The following MAN2B1 variants were observed in gnomAD, a reference collection of about 807,000 sequenced individuals.
MAN2B1 encodes the protein mannosidase alpha class 2B member 1.
In MAN2B1, 99 loss-of-function variants were observed where a neutral mutation model predicts 127.5. The ratio of observed to expected loss-of-function variants is 0.78; its 90% confidence interval spans 0.66 to 0.92. The LOEUF (loss-of-function observed/expected upper bound fraction) is 0.92. Ranked by LOEUF, MAN2B1 falls within the 40% of genes least tolerant of loss-of-function variation. MAN2B1 has a pLI of 0.00. For synonymous variants in MAN2B1, 573 were observed against 568.8 expected (o/e 1.01, Z -0.11); for missense variants, 1,304 against 1,384.8 (o/e 0.94, Z 0.93).
intron 7 of MAN2B1, among the ~76,000 whole-genome samples, chr19:12,659,493 A>T (rs532115016): frequency 6.1e-4 from 92 of 151,786 alleles, no homozygotes; most frequent in Non-Finnish European, 7.2e-4. Context: ...AGTAGAGACA[A>T]GGTTTCACCA....
chr19:12,659,468 A>C (rs2024053022), intron 7 of MAN2B1, among the ~76,000 whole-genome samples: 1 of 151,740 alleles, frequency 6.6e-6, no homozygotes, highest in African/African-American at 2.4e-5. Context: ...CGCCCACCTA[A>C]TTTGTAGTAT....
At chr19:12,649,857 C>T (rs1236908005) in intron 18 of MAN2B1, 56 bp downstream of exon 18, 2 of 1,396,292 alleles carry the variant, frequency 1.4e-6, no homozygotes, top group Non-Finnish European at 1.0e-6. Flanking sequence ...CCCTCACCAC[C>T]CCTGGGCCCC....
chr19:12,662,937 C>A (rs1157884088), intron 6 of MAN2B1, among the ~76,000 whole-genome samples: 222 of 126,012 alleles, frequency 1.8e-3, no homozygotes, highest in Middle Eastern at 4.2e-3. Context: ...GACTCTGTCT[C>A]AAAAAAAAAA....
intron 14 of MAN2B1, among the ~76,000 whole-genome samples, chr19:12,655,159 G>C (rs946918218): frequency 6.6e-5 from 10 of 152,144 alleles, no homozygotes; most frequent in African/African-American, 2.4e-4. Context: ...GCTAGGAGTA[G>C]ACACATGAGC....
Position 12,647,772 on chromosome 19 carries a change from T to A in MAN2B1, c.2665-174A>T. Reference sequence around the variant, plus strand: ...GCCGTGACAGGGAGGACTGAGCCAATGGGGAGATGGGTCGGTCCCAAGCTT... The same window carrying A: ...GCCGTGACAGGGAGGACTGAGCCAAAGGGGAGATGGGTCGGTCCCAAGCTT... On this transcript the variant is annotated intron_variant, in intron 21 of 23. Transcript: ENST00000456935. This position sits in a 1 kb window ranked among gnomAD's most constrained non-coding sequence, Gnocchi z 4.9. 3.2e-6 allele frequency: 2 copies of A among 616,756 alleles called. No homozygotes were observed. Among genetic ancestry groups the A allele is most frequent in the Non-Finnish European group, 2.8e-6 (1 of 351,816 alleles). 38.2% of individuals were successfully genotyped at this position (616,756 alleles called of 1,614,324 possible).
intron 7 of MAN2B1, chr19:12,658,716 G>A: frequency 1.7e-6 from 1 of 594,886 alleles, no homozygotes; most frequent in Admixed American, 2.9e-5. Context: ...GGATTTCAGA[G>A]ATGCAAGAAT....
chr19:12,665,215 A>C lies in MAN2B1; in HGVS notation c.436+137T>G. On this transcript the variant is annotated intron_variant, in intron 3 of 23. Transcript: ENST00000456935. ...TTTGTGGGATGTATAGGAGGTCTCC[A>C]AATGGAGAGTCCAGGCAGGCGGAGC... is the stretch of plus-strand genomic sequence containing the variant. 5 of 1,200,854 alleles carry C rather than the reference A, an allele frequency of 4.2e-6. No individual in the cohort carries two copies. In the South Asian group the frequency reaches 4.9e-5, roughly 12 times the overall value. 74.4% of individuals were successfully genotyped at this position (1,200,854 alleles called of 1,614,324 possible). A position where few individuals can be genotyped will look rare whatever the true frequency, so the allele number is the denominator to read the frequency against.
In MAN2B1 at chr19:12,664,993, A is replaced by G. The variant is rs377203049; in HGVS notation, c.437-8T>C. Reference sequence around the variant, plus strand: ...TGGCGAACTCCAGGCGCCCTGTGCCAGGACAGGCAAGGTCAGGGTCAGCGG... The same window carrying G: ...TGGCGAACTCCAGGCGCCCTGTGCCGGGACAGGCAAGGTCAGGGTCAGCGG... On this transcript the variant is annotated splice_region_variant and splice_polypyrimidine_tract_variant and intron_variant, in intron 3 of 23. Transcript: ENST00000456935. The G allele has an allele frequency of 1.7e-5, 27 of 1,612,174 alleles. No individual in the cohort carries two copies. Among genetic ancestry groups the G allele is most frequent in the Non-Finnish European group, 2.3e-5 (27 of 1,179,834 alleles).
rs769700077 is a variant in MAN2B1, at chr19:12,665,345, G to A, written c.436+7C>T. ...TTCCTCTTTTCACTTCCTTGGGGTAGGCTCACCCTGGCGCACAAGGTCTCG... is the reference window on the plus strand; with the variant it reads ...TTCCTCTTTTCACTTCCTTGGGGTAAGCTCACCCTGGCGCACAAGGTCTCG... On this transcript the variant is annotated splice_region_variant and intron_variant, in intron 3 of 23. Transcript: ENST00000456935. The A allele has an allele frequency of 1.9e-6, 3 of 1,603,122 alleles. No homozygotes were observed. The East Asian group carries it at 6.7e-5, about 36-fold the overall frequency.
At chr19:12,651,814 T>C (rs1187235875) in intron 16 of MAN2B1, among the ~76,000 whole-genome samples, 3 of 152,176 alleles carry the variant, frequency 2.0e-5, no homozygotes, top group Admixed American at 2.0e-4. Flanking sequence ...CAGACTTTGG[T>C]GAATTCTTCA....
At chr19:12,653,958 A>T (rs1599346496) in intron 14 of MAN2B1, among the ~76,000 whole-genome samples, 1 of 151,472 alleles carries the variant, frequency 6.6e-6, no homozygotes, top group South Asian at 2.1e-4. Context: ...ACCTCAGGTG[A>T]CCTGCCAGCC....
chr19:12,653,716 A>AT (rs1018041329), intron 14 of MAN2B1, among the ~76,000 whole-genome samples: 25 of 149,080 alleles, frequency 1.7e-4, no homozygotes, highest in South Asian at 4.3e-4. Context: ...ATTCAACCTG[A>AT]TTTTTTTTTT....
Position 12,663,454 on chromosome 19 carries a change from GAAGCACACCTGCAGGTCACACC to G in MAN2B1, c.764-14_771del, listed in dbSNP as rs752041314. The stretch of plus-strand genomic sequence containing the variant: ...TTCCTTGGCGGGTTGTAACCATTGG[GAAGCACACCTGCAGGTCACACC>G]AAGTTCAAGGGGTGGCCCATCACCC... On this transcript the variant is annotated splice_acceptor_variant and splice_polypyrimidine_tract_variant and coding_sequence_variant and intron_variant, in exon 6 of 24. Coordinates refer to ENST00000456935, the MANE Select transcript of MAN2B1 (RefSeq NM_000528.4). LOFTEE classifies it high-confidence loss of function. 6.2e-7 allele frequency: 1 copy of G among 1,613,900 alleles called. No individual in the cohort carries two copies. The highest frequency in any genetic ancestry group is 8.5e-7 in the Non-Finnish European group (1 of 1,180,032).
At chr19:12,652,100 G>T in intron 16 of MAN2B1, 53 bp downstream of exon 16, 1 of 1,388,530 alleles carries the variant, frequency 7.2e-7, no homozygotes, top group Non-Finnish European at 1.0e-6. Flanking sequence ...ACCCTCTTGG[G>T]CTCCATAACT....
chr19:12,660,090 AATG>A (rs1568305306), intron 7 of MAN2B1, among the ~76,000 whole-genome samples: 1 of 152,118 alleles, frequency 6.6e-6, no homozygotes, highest in Non-Finnish European at 1.5e-5. Context: ...TGTTGGGTAA[AATG>A]ATAACTGCCC....
chr19:12,660,720 C>T (rs2024081781), intron 7 of MAN2B1, among the ~76,000 whole-genome samples: 2 of 150,774 alleles, frequency 1.3e-5, no homozygotes, highest in Admixed American at 1.3e-4. Context: ...CTTGCCAACA[C>T]CTTGATTATA....
intron 12 of MAN2B1, 86 bp downstream of exon 12, chr19:12,656,863 C>T: frequency 8.4e-7 from 1 of 1,195,636 alleles, no homozygotes; most frequent in Non-Finnish European, 1.2e-6. Flanking sequence ...CGTAATTTCA[C>T]TCCTGTATAG....
chr19:12,649,830 A>G, intron 18 of MAN2B1, 83 bp downstream of exon 18: 1 of 1,190,256 alleles, frequency 8.4e-7, no homozygotes, highest in Non-Finnish European at 1.3e-6. Flanking sequence ...TCCCACACTC[A>G]TGTAATCAGC....
rs776013861 is a variant in MAN2B1 at position 12,648,412 on chromosome 19, G to C, written c.2437-10C>G. 3 of 1,601,964 alleles carry C rather than the reference G, an allele frequency of 1.9e-6. No individual in the cohort carries two copies. The highest frequency in any genetic ancestry group is 2.7e-5 in the African/African-American group (2 of 74,782). On this transcript the variant is annotated splice_polypyrimidine_tract_variant and intron_variant, in intron 20 of 23. Transcript: ENST00000456935. ...GCAGCCTTCGGTGCACCTGGGGGGA[G>C]AGTGGCCAGGAGGGGGTGAGAGTCG...
Sources: gnomAD v4.1 joint callset for allele counts (sites outside exome capture counted in the v4.1 genomes callset) on GRCh38, gnomAD v4.1.1 for gene constraint, Gnocchi (gnomAD v3.1) non-coding constraint, MANE v1.5 for transcripts, NCBI Gene and HGNC (gene_info 2026-07-23, HGNC 2026-07-21) for gene names.